NR2F1-AS1: variants seen among roughly 807,000 people sequenced by gnomAD.
NR2F1-AS1 encodes the protein NR2F1 regulatory antisense RNA 1.
intron 4 of NR2F1-AS1, chr5:93,543,883 C>A (rs1265742454): frequency 6.6e-6 from 1 of 152,108 alleles, no homozygotes; most frequent in African/African-American, 2.4e-5. Context: ...TACTATGATT[C>A]AGCATTGAGA....
At chr5:93,498,463 C>T (rs1751010115) in intron 4 of NR2F1-AS1, among the ~76,000 whole-genome samples, 1 of 152,044 alleles carries the variant, frequency 6.6e-6, no homozygotes, top group African/African-American at 2.4e-5. Context: ...CTCAAAGTTG[C>T]AAGTAAATGT....
chr5:93,485,480 T>C (rs185505902), intron 4 of NR2F1-AS1, among the ~76,000 whole-genome samples: 3 of 152,280 alleles, frequency 2.0e-5, no homozygotes, highest in Admixed American at 2.0e-4. Flanking sequence ...GGGAAATTTA[T>C]AGCACTAACG....
At chr5:93,500,526 C>T (rs183996448) in intron 4 of NR2F1-AS1, among the ~76,000 whole-genome samples, 4 of 152,208 alleles carry the variant, frequency 2.6e-5, no homozygotes, top group East Asian at 1.9e-4. Flanking sequence ...CACCTGATCA[C>T]CCAAGAGCTC....
intron 4 of NR2F1-AS1, among the ~76,000 whole-genome samples, chr5:93,416,754 C>T (rs1216347155): frequency 6.6e-6 from 1 of 152,142 alleles, no homozygotes; most frequent in Non-Finnish European, 1.5e-5. Context: ...CTCCAAAGCT[C>T]GTGCTCTTTA....
intron 4 of NR2F1-AS1, chr5:93,423,270 C>T (rs960134582): frequency 1.3e-5 from 2 of 152,132 alleles, no homozygotes; most frequent in Non-Finnish European, 2.9e-5. Context: ...GGTAGAAATC[C>T]TTTCATTTTA....
chr5:93,494,863 T>G (rs1750925368), intron 4 of NR2F1-AS1, among the ~76,000 whole-genome samples: 1 of 152,090 alleles, frequency 6.6e-6, no homozygotes, highest in Non-Finnish European at 1.5e-5. Context: ...CAGTGGATAA[T>G]CAGATAAACA....
chr5:93,483,197 C>T (rs1355491295), intron 4 of NR2F1-AS1, among the ~76,000 whole-genome samples: 2 of 152,222 alleles, frequency 1.3e-5, no homozygotes, highest in Non-Finnish European at 2.9e-5. Context: ...CATACAGGAG[C>T]GCTCTGGCTG....
intron 4 of NR2F1-AS1, among the ~76,000 whole-genome samples, chr5:93,488,601 G>C (rs1356611369): frequency 6.6e-6 from 1 of 152,230 alleles, no homozygotes; most frequent in Non-Finnish European, 1.5e-5. Flanking sequence ...GGAGACAACA[G>C]ATGCTGGAGA....
At chr5:93,564,689 A>C (rs921802013) in intron 1 of NR2F1-AS1, among the ~76,000 whole-genome samples, 6 of 152,228 alleles carry the variant, frequency 3.9e-5, no homozygotes, top group African/African-American at 1.4e-4. Context: ...AAAGTAATTT[A>C]TTAAAGACCT....
At chr5:93,486,997 T>G (rs1177011857) in intron 4 of NR2F1-AS1, among the ~76,000 whole-genome samples, 1 of 152,078 alleles carries the variant, frequency 6.6e-6, no homozygotes, top group African/African-American at 2.4e-5. Context: ...GGCAAAAACC[T>G]TATGATTATC....
intron 1 of NR2F1-AS1, among the ~76,000 whole-genome samples, chr5:93,576,977 ATTTCC>A (rs1412516687): frequency 6.6e-6 from 1 of 152,250 alleles, no homozygotes; most frequent in Middle Eastern, 3.2e-3. Context: ...GTCTTCAATT[ATTTCC>A]TTTTTTCTTT....
chr5:93,473,651 A>G (rs1284155740), intron 4 of NR2F1-AS1, among the ~76,000 whole-genome samples: 1 of 151,048 alleles, frequency 6.6e-6, no homozygotes, highest in African/African-American at 2.4e-5. Context: ...CAATATATAT[A>G]TTGAAGAATG....
At chr5:93,490,809 G>C (rs1383854412) in intron 4 of NR2F1-AS1, among the ~76,000 whole-genome samples, 1 of 151,172 alleles carries the variant, frequency 6.6e-6, no homozygotes, top group African/African-American at 2.4e-5. Flanking sequence ...TGGTATTTAT[G>C]GTGGTTGTGG....
upstream of NR2F1-AS1, chr5:93,584,651 C>G (rs933031063): frequency 2.7e-5 from 4 of 146,220 alleles, no homozygotes; most frequent in African/African-American, 7.5e-5. Flanking sequence ...AGAGCGCGGC[C>G]CCCCCAGGAA....
chr5:93,423,958 A>G (rs1749143256), intron 4 of NR2F1-AS1, among the ~76,000 whole-genome samples: 1 of 152,148 alleles, frequency 6.6e-6, no homozygotes, highest in Non-Finnish European at 1.5e-5. Flanking sequence ...CATTAAACCC[A>G]CAAGGATTGA....
chr5:93,494,429 C>G (rs1455618176), intron 4 of NR2F1-AS1, among the ~76,000 whole-genome samples: 1 of 152,132 alleles, frequency 6.6e-6, no homozygotes, highest in African/African-American at 2.4e-5. Flanking sequence ...CCCAGCAGTT[C>G]AAGACCACCA....
At chr5:93,478,142 G>A (rs1412158990) in intron 4 of NR2F1-AS1, among the ~76,000 whole-genome samples, 2 of 152,192 alleles carry the variant, frequency 1.3e-5, no homozygotes, top group African/African-American at 4.8e-5. Context: ...ACACAGCCAT[G>A]AAGCAATTGT....
rs370186339 is a variant in NR2F1-AS1 at position 93,478,694 on chromosome 5, G to A, written n.638+75067C>T. The stretch of plus-strand genomic sequence containing the variant: ...TGGAATTATAGGTGTGAGCCACCGC[G>A]CCCAGCCAAAGGAGCAGTTTTATAT... On this transcript the variant is annotated intron_variant and non_coding_transcript_variant, in intron 4 of 5. Transcript: ENST00000660523. Among the ~76,000 whole-genome samples, 19 of 152,260 alleles carry A rather than the reference G, an allele frequency of 1.2e-4. No homozygotes were observed. The South Asian group carries it at 3.5e-3, about 28-fold the overall frequency.
intron 4 of NR2F1-AS1, among the ~76,000 whole-genome samples, chr5:93,457,477 G>C (rs374431981): frequency 7.5e-4 from 114 of 152,300 alleles, no homozygotes; most frequent in African/African-American, 2.6e-3. Flanking sequence ...GCATCTCGAG[G>C]CAAAATAATT....
Sources: gnomAD v4.1 joint callset for allele counts (sites outside exome capture counted in the v4.1 genomes callset) on GRCh38, gnomAD v4.1.1 for gene constraint, MANE v1.5 for transcripts, NCBI Gene and HGNC (gene_info 2026-07-23, HGNC 2026-07-21) for gene names.